The following SMOC1 variants were observed in gnomAD, a reference collection of about 807,000 sequenced individuals.
SMOC1 encodes the protein SPARC-related modular calcium-binding protein 1.
A neutral mutation model predicts 56.3 loss-of-function variants in SMOC1; 22 were observed. That is an observed-to-expected ratio of 0.39 (90% confidence interval 0.28 to 0.56). The LOEUF is 0.56. SMOC1 is among the 20% of genes least tolerant of loss of function. SMOC1 has a pLI of 0.61. For missense variants in SMOC1, 509 were observed against 565.4 expected, an observed-to-expected ratio of 0.90 and a Z score of 1.01; for synonymous variants, 193 against 215.0, an observed-to-expected ratio of 0.90 and a Z score of 0.89.
chr14:69,940,743 AT>A (rs139220098), intron 1 of SMOC1, among the ~76,000 whole-genome samples: 2 of 151,666 alleles, frequency 1.3e-5, no homozygotes, highest in Non-Finnish European at 2.9e-5. Context: ...CTTAATCTCT[AT>A]TTTTTTTCCC....
At chr14:69,947,088 C>CCTTCCTTT (rs771663818) in intron 1 of SMOC1, among the ~76,000 whole-genome samples, 1 of 28,546 alleles carries the variant, frequency 3.5e-5, no homozygotes, top group Non-Finnish European at 6.4e-5. Flanking sequence ...CTCAGGCCGG[C>CCTTCCTTT]CTTCCTTCCT....
At chr14:69,971,089 G>A (rs940860334) in intron 3 of SMOC1, among the ~76,000 whole-genome samples, 3 of 152,164 alleles carry the variant, frequency 2.0e-5, no homozygotes, top group Non-Finnish European at 4.4e-5. Context: ...TGTGATCTTG[G>A]CTCACTGGAA....
chr14:69,888,039 AG>A, intron 1 of SMOC1, among the ~76,000 whole-genome samples: 1 of 152,302 alleles, frequency 6.6e-6, no homozygotes, highest in Non-Finnish European at 1.5e-5. Context: ...TTGTTTAGGC[AG>A]CCAAGTCCTG....
intron 1 of SMOC1, among the ~76,000 whole-genome samples, chr14:69,951,810 T>TA (rs1883004463): frequency 6.6e-6 from 1 of 152,256 alleles, no homozygotes; most frequent in South Asian, 2.1e-4. Context: ...CTGGGCAAGT[T>TA]ACGTCTCTGG....
intron 3 of SMOC1, among the ~76,000 whole-genome samples, chr14:69,960,584 T>C (rs1883335484): frequency 6.6e-6 from 1 of 152,222 alleles, no homozygotes; most frequent in Non-Finnish European, 1.5e-5. Context: ...TGCTTTTCTT[T>C]TTCCTTTTTT....
At chr14:69,935,972 G>A (rs1885284574) in intron 1 of SMOC1, among the ~76,000 whole-genome samples, 1 of 152,196 alleles carries the variant, frequency 6.6e-6, no homozygotes, top group African/African-American at 2.4e-5. Flanking sequence ...TGTTTTGCAA[G>A]GAAACGAATG....
chr14:69,948,373 GGAATATTTTGGGTGCTCTTCT>G (rs1247958437), intron 1 of SMOC1, among the ~76,000 whole-genome samples: 1 of 152,166 alleles, frequency 6.6e-6, no homozygotes, highest in Non-Finnish European at 1.5e-5. Flanking sequence ...TTTCTAGACA[GGAATATTTTGGGTGCTCTTCT>G]GAAGCTGAGA....
chr14:69,946,508 T>G (rs996749772), intron 1 of SMOC1, among the ~76,000 whole-genome samples: 5 of 152,208 alleles, frequency 3.3e-5, no homozygotes, highest in African/African-American at 1.2e-4. Flanking sequence ...ATTTTTAATG[T>G]CTTTTGGTTA....
intron 1 of SMOC1, among the ~76,000 whole-genome samples, chr14:69,930,180 C>A (rs527798409): frequency 2.2e-4 from 33 of 151,976 alleles, no homozygotes; most frequent in African/African-American, 6.0e-4. Context: ...CCTGACAGCA[C>A]CCTTCCCACT....
chr14:69,898,222 AT>A (rs905204068), intron 1 of SMOC1, among the ~76,000 whole-genome samples: 1 of 151,040 alleles, frequency 6.6e-6, no homozygotes, highest in Non-Finnish European at 1.5e-5. Flanking sequence ...TTTATCTTTG[AT>A]TTTTTTTGCA....
At chr14:69,972,425 C>A (rs1045607142) in intron 3 of SMOC1, among the ~76,000 whole-genome samples, 11 of 152,090 alleles carry the variant, frequency 7.2e-5, no homozygotes, top group Non-Finnish European at 1.6e-4. Flanking sequence ...TGTCCCCACA[C>A]CTGCGGCACA....
intron 5 of SMOC1, among the ~76,000 whole-genome samples, chr14:69,980,389 A>G (rs779406013): frequency 6.6e-6 from 1 of 152,082 alleles, no homozygotes; most frequent in Non-Finnish European, 1.5e-5. Context: ...TCTGGTGGGG[A>G]ATGCTAGGAC....
chr14:70,025,755 G>A (rs1885902895), intron 11 of SMOC1, among the ~76,000 whole-genome samples: 1 of 152,174 alleles, frequency 6.6e-6, no homozygotes, highest in Non-Finnish European at 1.5e-5. Context: ...CACTTAAAAG[G>A]TTTTGGATTT....
chr14:69,924,401 C>A (rs227428), intron 1 of SMOC1, among the ~76,000 whole-genome samples: 58,295 of 151,976 alleles, frequency 0.38, 11,592 homozygotes, highest in East Asian at 0.62. Flanking sequence ...AATCACTGGT[C>A]TATACTTCCC....
intron 5 of SMOC1, among the ~76,000 whole-genome samples, chr14:69,980,824 A>G (rs974344779): frequency 6.6e-6 from 1 of 152,164 alleles, no homozygotes; most frequent in Non-Finnish European, 1.5e-5. Flanking sequence ...ATATGGCCAG[A>G]AAAGAGGTGG....
At chr14:69,963,331 G>A (rs968056104) in intron 3 of SMOC1, among the ~76,000 whole-genome samples, 7 of 152,154 alleles carry the variant, frequency 4.6e-5, no homozygotes, top group Non-Finnish European at 7.3e-5. Context: ...AAAGGGAAAG[G>A]TTGGGAGAGA....
At position 70,030,461 on chromosome 14, in the gene SMOC1, G is replaced by A. The variant is rs868049820; in HGVS notation, c.*203G>A. 5 of 334,774 alleles carry A rather than the reference G, an allele frequency of 1.5e-5. No homozygotes were observed. The highest frequency in any genetic ancestry group is 2.1e-5 in the Non-Finnish European group (4 of 186,722). The allele number at this position is 334,774 out of a possible 1,614,324, so 20.7% of individuals were successfully genotyped here. A position where few individuals can be genotyped will look rare whatever the true frequency, so the allele number is the denominator to read the frequency against. ...ACACCAATATCTAATACCACAGTGG[G>A]AAAAGGAAAGGGAAGAAAGACTTTA... is the stretch of plus-strand genomic sequence containing the variant. On this transcript the variant is annotated 3_prime_UTR_variant, in exon 12 of 12. Transcript: ENST00000361956.
At chr14:69,919,572 A>C (rs994304961) in intron 1 of SMOC1, among the ~76,000 whole-genome samples, 6 of 152,250 alleles carry the variant, frequency 3.9e-5, no homozygotes, top group African/African-American at 1.4e-4. Flanking sequence ...GAAGAAATGG[A>C]GGTATTAAAC....
chr14:69,950,838 C>T (rs1193100569), intron 1 of SMOC1, among the ~76,000 whole-genome samples: 2 of 152,164 alleles, frequency 1.3e-5, no homozygotes, highest in East Asian at 3.8e-4. Context: ...TTGTATATGC[C>T]CCTTGATCTG....
Sources: allele counts gnomAD v4.1 joint callset (sites outside exome capture counted in the v4.1 genomes callset), GRCh38; gene constraint gnomAD v4.1.1; transcripts MANE v1.5; gene names NCBI Gene and HGNC (gene_info 2026-07-23, HGNC 2026-07-21).